Variants in GCNT1 observed in about 807,000 individuals in gnomAD.
GCNT1 encodes beta-1,3-galactosyl-O-glycosyl-glycoprotein beta-1,6-N-acetylglucosaminyltransferase.
Under a neutral mutation model 26.2 loss-of-function variants are expected in GCNT1, and 16 were observed. The observed-to-expected ratio is 0.61, with a 90% CI of 0.41 to 0.93. The LOEUF is 0.93. Ranked by LOEUF, GCNT1 falls within the 40% of genes least tolerant of loss-of-function variation. The probability of loss-of-function intolerance (pLI) is 0.00; values close to 1 mark genes in which losing one functional copy is unlikely to be tolerated. For synonymous variants in GCNT1, 183 were observed against 190.8 expected (o/e 0.96, Z 0.34); for missense variants, 477 against 526.7 (o/e 0.91, Z 0.92).
intron 2 of GCNT1, among the ~76,000 whole-genome samples, chr9:76,481,231 A>G (rs942129023): frequency 3.3e-5 from 5 of 152,012 alleles, no homozygotes; most frequent in Non-Finnish European, 5.9e-5. Context: ...ATATATATAT[A>G]TGGGATTAAA....
chr9:76,489,244 A>G (rs961739021), intron 2 of GCNT1, among the ~76,000 whole-genome samples: 1 of 152,214 alleles, frequency 6.6e-6, no homozygotes, highest in African/African-American at 2.4e-5. Context: ...ATGGTGACAT[A>G]GTATTTCTTT....
At chr9:76,405,697 C>T in the GCNT1 span, among the ~76,000 whole-genome samples, 1 of 152,172 alleles carries the variant, frequency 6.6e-6, no homozygotes, top group Admixed American at 6.5e-5. Context: ...GTTAAGTTTC[C>T]TCCACGTCTT....
At chr9:76,451,228 C>T (rs1823659868) in intron 1 of GCNT1, among the ~76,000 whole-genome samples, 1 of 152,066 alleles carries the variant, frequency 6.6e-6, no homozygotes. Context: ...TGGATTTAGG[C>T]AAGGGGAGAC....
upstream of GCNT1, among the ~76,000 whole-genome samples, chr9:76,440,104 TAA>T (rs762535970): frequency 4.8e-4 from 60 of 124,304 alleles, no homozygotes; most frequent in African/African-American, 8.9e-4. Flanking sequence ...GTCGCAAAAA[TAA>T]AAAAAAAAAA....
upstream of GCNT1, among the ~76,000 whole-genome samples, chr9:76,439,375 G>A (rs1407997607): frequency 6.6e-6 from 1 of 151,778 alleles, no homozygotes; most frequent in Non-Finnish European, 1.5e-5. Context: ...CAGGTGCGTG[G>A]CACCACGCCA....
chr9:76,401,541 A>G, the GCNT1 span, among the ~76,000 whole-genome samples: 1 of 152,250 alleles, frequency 6.6e-6, no homozygotes, highest in Non-Finnish European at 1.5e-5. Context: ...TTTACAGTGT[A>G]AAGAAAGAAA....
At chr9:76,485,840 C>A (rs1376930008) in intron 2 of GCNT1, among the ~76,000 whole-genome samples, 1 of 151,992 alleles carries the variant, frequency 6.6e-6, no homozygotes, top group African/African-American at 2.4e-5. Context: ...TCAAGTGATT[C>A]TCCTGCCTCA....
intron 2 of GCNT1, among the ~76,000 whole-genome samples, chr9:76,498,205 T>C (rs1199687591): frequency 6.6e-6 from 1 of 152,264 alleles, no homozygotes; most frequent in African/African-American, 2.4e-5. Context: ...TACCATATTT[T>C]GTTTATCCAT....
At chr9:76,488,785 A>G (rs1485585513) in intron 2 of GCNT1, among the ~76,000 whole-genome samples, 2 of 152,174 alleles carry the variant, frequency 1.3e-5, no homozygotes, top group Non-Finnish European at 2.9e-5. Flanking sequence ...TGCCCAGCCT[A>G]AGCCAGCGCA....
chr9:76,398,509 A>C, the GCNT1 span, among the ~76,000 whole-genome samples: 2 of 152,376 alleles, frequency 1.3e-5, no homozygotes, highest in East Asian at 3.9e-4. Flanking sequence ...ATAATATGGC[A>C]GTTTCTTATA....
chr9:76,486,940 C>A (rs72747360), intron 2 of GCNT1, among the ~76,000 whole-genome samples: 12,452 of 151,864 alleles, frequency 0.082, 553 homozygotes, highest in Middle Eastern at 0.16. Flanking sequence ...AACAAACAAA[C>A]AAAACTAGAT....
the GCNT1 span, among the ~76,000 whole-genome samples, chr9:76,409,895 T>G: frequency 6.6e-6 from 1 of 152,190 alleles, no homozygotes. Context: ...ATGCATTCAA[T>G]GCCCTAAATT....
intron 1 of GCNT1, among the ~76,000 whole-genome samples, chr9:76,442,554 G>A (rs745640957): frequency 2.6e-5 from 4 of 152,104 alleles, no homozygotes; most frequent in Admixed American, 2.0e-4. Context: ...GGTGGTAGGC[G>A]CCTGTAATCC....
chr9:76,415,764 C>G (rs1042239088), upstream of GCNT1, among the ~76,000 whole-genome samples: 2 of 152,210 alleles, frequency 1.3e-5, no homozygotes, highest in Non-Finnish European at 1.5e-5. Flanking sequence ...ACTAATTACA[C>G]AATGCTTGGG....
rs968261794 is a variant in GCNT1, at chr9:76,430,286, C to T, written n.38+10399C>T. ...ATGACTTTTAAATTTTTTGCCAATC[C>T]GAGAAGGATTTAAAAAATCTCATTA... On this transcript the variant is annotated intron_variant and non_coding_transcript_variant, in intron 1 of 3. Coordinates refer to the GCNT1 transcript ENST00000488136. Among the ~76,000 whole-genome samples, 18 of 152,092 alleles carry T rather than the reference C, an allele frequency of 1.2e-4. 1 individual carries two copies. The highest frequency in any genetic ancestry group is 6.8e-3 in the Middle Eastern group (2 of 294).
chr9:76,452,993 GC>G (rs1474977748), intron 1 of GCNT1, among the ~76,000 whole-genome samples: 2 of 152,214 alleles, frequency 1.3e-5, no homozygotes, highest in Non-Finnish European at 2.9e-5. Flanking sequence ...TACAAAGCCT[GC>G]CTCACACAGC....
chr9:76,403,822 A>T, the GCNT1 span, among the ~76,000 whole-genome samples: 1 of 152,230 alleles, frequency 6.6e-6, no homozygotes, highest in African/African-American at 2.4e-5. Flanking sequence ...GGAGAAGAGC[A>T]CCTAGAATTA....
the GCNT1 span, among the ~76,000 whole-genome samples, chr9:76,412,617 A>G: frequency 6.6e-5 from 10 of 152,172 alleles, no homozygotes; most frequent in African/African-American, 1.9e-4. Flanking sequence ...TTACAATTTT[A>G]TGTTGCCTCA....
At chr9:76,477,265 C>T (rs919796815) in intron 2 of GCNT1, among the ~76,000 whole-genome samples, 3 of 151,544 alleles carry the variant, frequency 2.0e-5, no homozygotes, top group Non-Finnish European at 4.4e-5. Context: ...TGGTGGCTCA[C>T]GCCTGTAATC....
Sources: allele counts gnomAD v4.1 joint callset (sites outside exome capture counted in the v4.1 genomes callset), GRCh38; gene constraint gnomAD v4.1.1; transcripts MANE v1.5; gene names NCBI Gene and HGNC (gene_info 2026-07-23, HGNC 2026-07-21).